RBPJ: variants seen among roughly 807,000 people sequenced by gnomAD.
RBPJ encodes recombining binding protein suppressor of hairless.
A neutral mutation model predicts 67.8 loss-of-function variants in RBPJ; 9 were observed. That is an observed-to-expected ratio of 0.13 (90% CI 0.08 to 0.23). The LOEUF (loss-of-function observed/expected upper bound fraction) is 0.23, where lower values mean the gene tolerates loss of function less well. Among genes scored for constraint, RBPJ ranks in the 10% least tolerant of loss-of-function variants. The pLI, the probability that RBPJ is intolerant of heterozygous loss-of-function variation, is 1.00. For synonymous variants in RBPJ, 198 were observed against 203.3 expected (o/e 0.97, Z 0.22); for missense variants, 305 against 595.6 (o/e 0.51, Z 5.08).
chr4:26,152,957 G>A, the RBPJ span, among the ~76,000 whole-genome samples: 9 of 151,458 alleles, frequency 5.9e-5, no homozygotes, highest in Admixed American at 2.0e-4. Flanking sequence ...AAATGCTTGG[G>A]ATCCAAAGTG....
chr4:26,325,630 T>G (rs1239705504), intron 1 of RBPJ, among the ~76,000 whole-genome samples: 1 of 152,254 alleles, frequency 6.6e-6, no homozygotes, highest in African/African-American at 2.4e-5. Context: ...ATTCCTGGCA[T>G]GTAGCAAGTG....
chr4:26,109,499 CACAT>C, the RBPJ span, among the ~76,000 whole-genome samples: 1 of 76,946 alleles, frequency 1.3e-5, no homozygotes. Context: ...TATACACACA[CACAT>C]ATATATATAT....
At chr4:26,348,613 G>T (rs1036704982) in intron 1 of RBPJ, among the ~76,000 whole-genome samples, 4 of 152,228 alleles carry the variant, frequency 2.6e-5, no homozygotes, top group Admixed American at 2.0e-4. Context: ...ACATAAATTT[G>T]AAATGTTAAA....
At chr4:26,133,823 A>G in the RBPJ span, among the ~76,000 whole-genome samples, 29 of 151,920 alleles carry the variant, frequency 1.9e-4, no homozygotes, top group Admixed American at 1.1e-3. Flanking sequence ...AGTAGGTAAC[A>G]GAGCTGGCTT....
chr4:26,171,443 CTA>C (rs1451243736), intron 1 of RBPJ, among the ~76,000 whole-genome samples: 1 of 152,108 alleles, frequency 6.6e-6, no homozygotes, highest in Non-Finnish European at 1.5e-5. Context: ...TAGCATGTTC[CTA>C]TAGTCCCAGC....
chr4:26,273,671 G>T (rs889264821), intron 1 of RBPJ, among the ~76,000 whole-genome samples: 3 of 152,212 alleles, frequency 2.0e-5, no homozygotes, highest in African/African-American at 7.2e-5. Flanking sequence ...TAGCAGCGGG[G>T]CCTGGGAGCT....
At chr4:26,343,578 C>T (rs894406677) in intron 1 of RBPJ, among the ~76,000 whole-genome samples, 9 of 150,848 alleles carry the variant, frequency 6.0e-5, no homozygotes, top group Admixed American at 2.6e-4. Context: ...GATAGAATCT[C>T]GCGCTGTTGC....
intron 1 of RBPJ, among the ~76,000 whole-genome samples, chr4:26,371,922 T>C (rs1031383228): frequency 2.0e-5 from 3 of 152,254 alleles, no homozygotes; most frequent in Non-Finnish European, 4.4e-5. Context: ...TTGTTTTATA[T>C]GTGGGGCTCA....
At chr4:26,202,986 G>GAAGGAAGGAAGGAAGGAAGT (rs1553848330) in intron 1 of RBPJ, among the ~76,000 whole-genome samples, 21 of 144,980 alleles carry the variant, frequency 1.4e-4, no homozygotes, top group African/African-American at 5.2e-4. Context: ...AGGAAGGAAG[G>GAAGGAAGGAAGGAAGGAAGT]AAGGAAGGAA....
intron 1 of RBPJ, among the ~76,000 whole-genome samples, chr4:26,168,987 A>G (rs932458870): frequency 1.3e-5 from 2 of 152,184 alleles, no homozygotes; most frequent in Non-Finnish European, 2.9e-5. Flanking sequence ...TATTTTTCAA[A>G]GTTTTCAACT....
chr4:26,320,761 A>G, upstream of RBPJ: 2 of 1,554,096 alleles, frequency 1.3e-6, no homozygotes, highest in Non-Finnish European at 1.7e-6. Flanking sequence ...CTCCCCATGG[A>G]CCACACGGAG....
rs1232502360 is a variant in RBPJ, at chr4:26,433,981, C to A, written c.*2974C>A. 1.3e-5 allele frequency: 2 copies of A among 152,144 alleles called. No homozygotes were observed. Among genetic ancestry groups the A allele is most frequent in the Non-Finnish European group, 2.9e-5 (2 of 68,008 alleles). The allele number at this position is 152,144 out of a possible 1,614,324, so 9.4% of individuals were successfully genotyped here. On this transcript the variant is annotated 3_prime_UTR_variant, in exon 11 of 11. Transcript: ENST00000355476. ...TGTATCTTATGCTCTCATGACTATGCAGTTTCTAAACATACACATAGAAGC... is the reference window on the plus strand; with the variant it reads ...TGTATCTTATGCTCTCATGACTATGAAGTTTCTAAACATACACATAGAAGC...
intron 1 of RBPJ, among the ~76,000 whole-genome samples, chr4:26,353,029 T>G (rs953488057): frequency 6.6e-6 from 1 of 152,224 alleles, no homozygotes; most frequent in Non-Finnish European, 1.5e-5. Flanking sequence ...AAGGAAAGTA[T>G]AGCAAAACCC....
chr4:26,239,223 G>A (rs548128681), intron 1 of RBPJ, among the ~76,000 whole-genome samples: 6 of 152,218 alleles, frequency 3.9e-5, no homozygotes, highest in African/African-American at 7.2e-5. Context: ...AGATCAGTTC[G>A]GGTTTTGTAT....
At chr4:26,383,442 G>T (rs1730516575) in intron 1 of RBPJ, among the ~76,000 whole-genome samples, 1 of 152,132 alleles carries the variant, frequency 6.6e-6, no homozygotes, top group East Asian at 1.9e-4. Context: ...CTGGTATGAT[G>T]GGTGGCAGCA....
chr4:26,117,962 T>C, the RBPJ span, among the ~76,000 whole-genome samples: 1 of 152,068 alleles, frequency 6.6e-6, no homozygotes, highest in Non-Finnish European at 1.5e-5. Flanking sequence ...TACATATTTG[T>C]GTATATATAT....
intron 1 of RBPJ, among the ~76,000 whole-genome samples, chr4:26,166,330 AC>A (rs1317538970): frequency 8.4e-5 from 10 of 119,180 alleles, no homozygotes; most frequent in South Asian, 3.1e-4. Flanking sequence ...TTACAGTCCC[AC>A]CAACAGTGTA....
upstream of RBPJ, among the ~76,000 whole-genome samples, chr4:26,316,767 A>G (rs1722661410): frequency 6.9e-6 from 1 of 145,818 alleles, no homozygotes; most frequent in African/African-American, 2.5e-5. Context: ...CTGAAGTTCT[A>G]AAATGGAGAG....
chr4:26,122,984 A>C, the RBPJ span, among the ~76,000 whole-genome samples: 1 of 152,224 alleles, frequency 6.6e-6, no homozygotes, highest in African/African-American at 2.4e-5. Context: ...GCAGCAACAT[A>C]AACAAACAAG....
Sources: gnomAD v4.1 joint callset for allele counts (sites outside exome capture counted in the v4.1 genomes callset) on GRCh38, gnomAD v4.1.1 for gene constraint, MANE v1.5 for transcripts, NCBI Gene and HGNC (gene_info 2026-07-23, HGNC 2026-07-21) for gene names.